Variants in PRKAR1B observed in about 807,000 individuals in gnomAD.
PRKAR1B encodes cAMP-dependent protein kinase type I-beta regulatory subunit.
In PRKAR1B, 22 loss-of-function variants were observed where a neutral mutation model predicts 46.5. The ratio of observed to expected loss-of-function variants is 0.47; its 90% CI spans 0.34 to 0.68. The LOEUF (loss-of-function observed/expected upper bound fraction) is 0.68, where lower values mean the gene tolerates loss of function less well. Ranked by LOEUF, PRKAR1B falls within the 30% of genes least tolerant of loss-of-function variation. PRKAR1B has a pLI of 0.01. For missense variants in PRKAR1B, 445 were observed against 535.6 expected (o/e 0.83, Z 1.67); for synonymous variants, 259 against 217.7 (o/e 1.19, Z -1.67).
intron 1 of PRKAR1B, among the ~76,000 whole-genome samples, chr7:724,265 A>T (rs764260579): frequency 7.9e-5 from 12 of 152,036 alleles, no homozygotes; most frequent in Non-Finnish European, 1.5e-4. Context: ...CCCCACCCAA[A>T]TCTCATCTTG....
At chr7:660,315 C>T (rs1382680447) in intron 4 of PRKAR1B, among the ~76,000 whole-genome samples, 6 of 152,002 alleles carry the variant, frequency 3.9e-5, no homozygotes, top group Non-Finnish European at 5.9e-5. Context: ...TGCTGCCTCT[C>T]GACACCTCCC....
intron 9 of PRKAR1B, among the ~76,000 whole-genome samples, chr7:561,635 G>C (rs968694269): frequency 6.6e-6 from 1 of 152,200 alleles, no homozygotes; most frequent in African/African-American, 2.4e-5. Context: ...GGCCGAGACG[G>C]AACTGATGTA....
chr7:551,276 C>T, intron 10 of PRKAR1B, 113 bp downstream of exon 10: 1 of 997,578 alleles, frequency 1.0e-6, no homozygotes. Context: ...AGCCAAGCCC[C>T]ACTACAAGGC....
At chr7:657,992 G>C (rs979202955) in intron 4 of PRKAR1B, among the ~76,000 whole-genome samples, 1 of 152,100 alleles carries the variant, frequency 6.6e-6, no homozygotes, top group Admixed American at 6.6e-5. Flanking sequence ...TAAATGCAGA[G>C]AGAAATGCAA....
intron 6 of PRKAR1B, among the ~76,000 whole-genome samples, chr7:605,422 G>A (rs1032027021): frequency 2.0e-5 from 3 of 152,252 alleles, no homozygotes; most frequent in African/African-American, 7.2e-5. Context: ...AGAGCACCCA[G>A]GCTCTAAACC....
intron 4 of PRKAR1B, among the ~76,000 whole-genome samples, chr7:671,253 G>A (rs1025445782): frequency 3.3e-5 from 5 of 151,722 alleles, no homozygotes; most frequent in African/African-American, 1.2e-4. Flanking sequence ...GGCCAGAGCC[G>A]GGCTTTTGAT....
At chr7:697,490 C>G (rs1319318204) in intron 2 of PRKAR1B, among the ~76,000 whole-genome samples, 3 of 152,288 alleles carry the variant, frequency 2.0e-5, no homozygotes, top group African/African-American at 4.8e-5. Context: ...ACGGGGTCAT[C>G]CACTGCGTGC....
At chr7:574,102 G>A (rs920387643) in intron 9 of PRKAR1B, among the ~76,000 whole-genome samples, 2 of 152,232 alleles carry the variant, frequency 1.3e-5, no homozygotes, top group Admixed American at 6.5e-5. Flanking sequence ...CACGATCCAC[G>A]CCCCCCACAC....
At chr7:676,613 T>G (rs1778321314) in intron 4 of PRKAR1B, among the ~76,000 whole-genome samples, 1 of 152,212 alleles carries the variant, frequency 6.6e-6, no homozygotes, top group Admixed American at 6.5e-5. Flanking sequence ...GAGCAGGGAC[T>G]CAGCTCGGCA....
intron 4 of PRKAR1B, among the ~76,000 whole-genome samples, chr7:633,170 C>T (rs755482775): frequency 8.5e-5 from 13 of 152,204 alleles, no homozygotes; most frequent in East Asian, 1.9e-4. Context: ...ACAGCAAAGA[C>T]GTGATCTCCA....
chr7:701,485 G>T (rs931494573), intron 2 of PRKAR1B, among the ~76,000 whole-genome samples: 2 of 152,082 alleles, frequency 1.3e-5, no homozygotes, highest in African/African-American at 4.8e-5. Flanking sequence ...CATGATGGTT[G>T]AAAACTTCTC....
chr7:707,321 C>T (rs573518940), intron 2 of PRKAR1B, among the ~76,000 whole-genome samples: 1 of 152,316 alleles, frequency 6.6e-6, no homozygotes, highest in East Asian at 1.9e-4. Flanking sequence ...CTCTTTTCAA[C>T]ATTTTGGCGG....
At chr7:601,963 T>C (rs1218285194) in intron 6 of PRKAR1B, among the ~76,000 whole-genome samples, 1 of 151,364 alleles carries the variant, frequency 6.6e-6, no homozygotes, top group African/African-American at 2.4e-5. Flanking sequence ...AGGGGAGGGA[T>C]TTGCCAGGAC....
chr7:591,313 G>T (rs1397875597), intron 7 of PRKAR1B, among the ~76,000 whole-genome samples: 1 of 152,260 alleles, frequency 6.6e-6, no homozygotes, highest in Non-Finnish European at 1.5e-5. Context: ...GGGCTCTGCA[G>T]TGTGTCTGCC....
rs948576006 is a variant in PRKAR1B at position 667,969 on chromosome 7, C to T, written c.440+9260G>A. ...AAAGGTCTTAAACATAATTTCTACC[C>T]TTCTCCAAGCTTACGTATCTCTCGC... On this transcript the variant is annotated intron_variant, in intron 4 of 10. Coordinates refer to ENST00000537384, the MANE Select transcript of PRKAR1B (RefSeq NM_001164760.2). The surrounding 1 kb of genome is among the most constrained non-coding windows in gnomAD (Gnocchi z 4.3). Among the ~76,000 whole-genome samples the T allele has an allele frequency of 3.3e-5, 5 of 152,236 alleles. No individual in the cohort carries two copies. The highest frequency in any genetic ancestry group is 3.3e-4 in the Admixed American group (5 of 15,286).
intron 2 of PRKAR1B, among the ~76,000 whole-genome samples, chr7:704,730 C>A (rs1780229882): frequency 6.6e-6 from 1 of 152,094 alleles, no homozygotes. Flanking sequence ...GATCGCACCA[C>A]TGCACTCCAG....
At chr7:601,036 G>A (rs1781560140) in intron 6 of PRKAR1B, among the ~76,000 whole-genome samples, 1 of 152,178 alleles carries the variant, frequency 6.6e-6, no homozygotes, top group African/African-American at 2.4e-5. Flanking sequence ...CTGCTGGTCA[G>A]AGGGCAGCGT....
At chr7:696,714 G>A (rs755405376) in intron 2 of PRKAR1B, 4 of 152,390 alleles carry the variant, frequency 2.6e-5, no homozygotes, top group South Asian at 2.1e-4. Context: ...TTCAAGGAAC[G>A]AGGTTGGGGT....
Position 550,197 on chromosome 7 carries a change from C to G in PRKAR1B, c.*233G>C. 1.8e-6 allele frequency: 1 copy of G among 540,546 alleles called. No individual in the cohort carries two copies. The highest frequency in any genetic ancestry group is 3.3e-6 in the Non-Finnish European group (1 of 301,196). 33.5% of individuals were successfully genotyped at this position (540,546 alleles called of 1,614,324 possible). On this transcript the variant is annotated 3_prime_UTR_variant, in exon 11 of 11. Coordinates refer to ENST00000537384, the MANE Select transcript of PRKAR1B (RefSeq NM_001164760.2). ...GGAGGCGTGTGGGGAGGAAGCTGGC[C>G]TGTCCCTTCCTTGATCTTGGGATGC...
Sources: allele counts gnomAD v4.1 joint callset (sites outside exome capture counted in the v4.1 genomes callset), GRCh38; gene constraint gnomAD v4.1.1; non-coding constraint Gnocchi (gnomAD v3.1); transcripts MANE v1.5; gene names NCBI Gene and HGNC (gene_info 2026-07-23, HGNC 2026-07-21).